KCNH1: variants seen among roughly 807,000 people sequenced by gnomAD.
KCNH1 encodes the protein potassium voltage-gated channel subfamily H member 1.
In KCNH1, 27 loss-of-function variants were observed where a neutral mutation model predicts 69.2. The observed-to-expected ratio is 0.39, with a 90% CI of 0.29 to 0.54. KCNH1 has a LOEUF of 0.54. KCNH1 is among the 20% of genes least tolerant of loss of function. The probability of loss-of-function intolerance (pLI) is 0.68; values close to 1 mark genes in which losing one functional copy is unlikely to be tolerated. For missense variants in KCNH1, 798 were observed against 1,261.6 expected (o/e 0.63, Z 5.57); for synonymous variants, 456 against 487.7 (o/e 0.93, Z 0.86).
intron 10 of KCNH1, among the ~76,000 whole-genome samples, chr1:210,690,835 G>C (rs1012530328): frequency 2.0e-5 from 3 of 152,166 alleles, no homozygotes; most frequent in African/African-American, 7.2e-5. Flanking sequence ...AGGGAGCAAA[G>C]CACAGCACTG....
chr1:211,021,493 A>G (rs1467402841), intron 5 of KCNH1, among the ~76,000 whole-genome samples: 1 of 152,078 alleles, frequency 6.6e-6, no homozygotes, highest in African/African-American at 2.4e-5. Flanking sequence ...AGAGAAAGAA[A>G]TAAAGGACAT....
chr1:210,801,828 G>A (rs768641347), intron 8 of KCNH1, among the ~76,000 whole-genome samples: 4 of 152,206 alleles, frequency 2.6e-5, no homozygotes, highest in Non-Finnish European at 5.9e-5. Context: ...CAAAAGCAGC[G>A]ACTAAGTTCA....
chr1:210,859,624 T>A (rs189043722), intron 7 of KCNH1: 179 of 1,347,904 alleles, frequency 1.3e-4, no homozygotes, highest in Non-Finnish European at 3.4e-5. Context: ...AGCTTCATCA[T>A]CATCACTGTC....
At chr1:210,996,652 G>A (rs764018878) in intron 6 of KCNH1, among the ~76,000 whole-genome samples, 6 of 152,208 alleles carry the variant, frequency 3.9e-5, no homozygotes, top group Non-Finnish European at 5.9e-5. Flanking sequence ...CTCCCAGCAC[G>A]CAGCTGGAGA....
chr1:210,926,727 C>T (rs544604797), intron 6 of KCNH1, among the ~76,000 whole-genome samples: 10 of 151,916 alleles, frequency 6.6e-5, no homozygotes, highest in Admixed American at 1.3e-4. Context: ...ACCTATGAAA[C>T]GCCAGAAAAA....
At chr1:210,861,476 A>G (rs1334748190) in intron 7 of KCNH1, 1 of 775,076 alleles carries the variant, frequency 1.3e-6, no homozygotes, top group East Asian at 2.4e-5. Context: ...AAGTCTTGCT[A>G]AAATATGTAA....
At chr1:210,954,738 T>A (rs1471078146) in intron 6 of KCNH1, among the ~76,000 whole-genome samples, 1 of 152,242 alleles carries the variant, frequency 6.6e-6, no homozygotes, top group Non-Finnish European at 1.5e-5. Context: ...CTTTGCCCAC[T>A]TTTTGATGGG....
chr1:211,077,668 A>C (rs2102462951), intron 5 of KCNH1, among the ~76,000 whole-genome samples: 1 of 152,366 alleles, frequency 6.6e-6, no homozygotes, highest in South Asian at 2.1e-4. Context: ...CAAATTGTAA[A>C]GACTATAAAT....
Position 211,067,863 on chromosome 1 carries a change from C to T in KCNH1, c.558+14917G>A, listed in dbSNP as rs368400242. Reference sequence around the variant, plus strand: ...GAGTCCACCACTTACCACCAGGTGACCTCGAACAAGTCAGTGAACTACCCT... The same window carrying T: ...GAGTCCACCACTTACCACCAGGTGATCTCGAACAAGTCAGTGAACTACCCT... On this transcript the variant is annotated intron_variant, in intron 5 of 10. Transcript: ENST00000271751. Among the ~76,000 whole-genome samples, 8 of 152,218 alleles carry T rather than the reference C, an allele frequency of 5.3e-5. No homozygotes were observed. In the East Asian group the frequency reaches 5.8e-4, roughly 11 times the overall value.
rs181630555 is a variant in KCNH1 at position 211,068,419 on chromosome 1, G to A, written c.558+14361C>T. Among the ~76,000 whole-genome samples, 442 of 151,604 alleles carry A rather than the reference G, an allele frequency of 2.9e-3. 3 individuals carry two copies. The highest frequency in any genetic ancestry group is 0.024 in the South Asian group (114 of 4,808). ...AACTTTTTTGTTTTTTTTTTGAGAC[G>A]GAGTCTTGCTCTGTCGCCCAGGCTG... On this transcript the variant is annotated intron_variant, in intron 5 of 10. Coordinates refer to ENST00000271751, the MANE Select transcript of KCNH1 (RefSeq NM_172362.3).
intron 10 of KCNH1, among the ~76,000 whole-genome samples, chr1:210,736,816 T>A (rs1337260139): frequency 3.3e-5 from 5 of 152,086 alleles, no homozygotes; most frequent in Non-Finnish European, 7.4e-5. Context: ...TCATCAAGGC[T>A]CTAATTCTCA....
At chr1:210,982,997 G>C (rs1688744332) in intron 6 of KCNH1, among the ~76,000 whole-genome samples, 1 of 152,192 alleles carries the variant, frequency 6.6e-6, no homozygotes, top group Admixed American at 6.5e-5. Context: ...TTGTGGTTTT[G>C]ATTTGTGTTT....
chr1:211,133,108 G>C lies in KCNH1; in HGVS notation c.79+759C>G, dbSNP rs1304561361. 1 of 152,186 alleles carries C rather than the reference G, an allele frequency of 6.6e-6. No individual in the cohort carries two copies. The highest frequency in any genetic ancestry group is 1.5e-5 in the Non-Finnish European group (1 of 68,066). 9.4% of individuals were successfully genotyped at this position (152,186 alleles called of 1,614,324 possible). ...CTATTTATAGGTTTGGTGAGATTGGGAATTTATAGGTGAGCAACACTTAAG... is the reference window on the plus strand; with the variant it reads ...CTATTTATAGGTTTGGTGAGATTGGCAATTTATAGGTGAGCAACACTTAAG... On this transcript the variant is annotated intron_variant, in intron 1 of 10. Transcript: ENST00000271751. This position sits in a 1 kb window ranked among gnomAD's most constrained non-coding sequence, Gnocchi z 5.4.
intron 10 of KCNH1, among the ~76,000 whole-genome samples, chr1:210,761,249 CAAAAAAAA>C (rs58988658): frequency 2.7e-5 from 1 of 37,108 alleles, no homozygotes; most frequent in East Asian, 9.2e-4. Context: ...GAGACTCCGT[CAAAAAAAA>C]AAAAAAAAAA....
intron 7 of KCNH1, among the ~76,000 whole-genome samples, chr1:210,844,491 G>A (rs1685495247): frequency 6.6e-6 from 1 of 152,202 alleles, no homozygotes; most frequent in Non-Finnish European, 1.5e-5. Flanking sequence ...GGTATATAAT[G>A]AAATGAAGAC....
At chr1:210,932,908 A>T (rs1045437100) in intron 6 of KCNH1, among the ~76,000 whole-genome samples, 1 of 152,204 alleles carries the variant, frequency 6.6e-6, no homozygotes, top group African/African-American at 2.4e-5. Flanking sequence ...ATAAAATACT[A>T]GTTGGTGACT....
chr1:210,984,063 GCTCT>G (rs1254391538), intron 6 of KCNH1, among the ~76,000 whole-genome samples: 5 of 151,958 alleles, frequency 3.3e-5, no homozygotes, highest in Non-Finnish European at 7.4e-5. Flanking sequence ...TCATGATTTG[GCTCT>G]CTGTTTGTCT....
intron 5 of KCNH1, among the ~76,000 whole-genome samples, chr1:211,035,841 A>C (rs752122900): frequency 2.0e-5 from 3 of 152,244 alleles, no homozygotes; most frequent in Non-Finnish European, 4.4e-5. Context: ...TAGTCCTTTC[A>C]AAATACAGTA....
intron 10 of KCNH1, among the ~76,000 whole-genome samples, chr1:210,706,240 A>T (rs781523532): frequency 6.6e-6 from 1 of 152,122 alleles, no homozygotes; most frequent in Non-Finnish European, 1.5e-5. Flanking sequence ...CATCAGCTCC[A>T]TGAAATTTAG....
Sources: allele counts gnomAD v4.1 joint callset (sites outside exome capture counted in the v4.1 genomes callset), GRCh38; gene constraint gnomAD v4.1.1; non-coding constraint Gnocchi (gnomAD v3.1); transcripts MANE v1.5; gene names NCBI Gene and HGNC (gene_info 2026-07-23, HGNC 2026-07-21).